IFT172: variants seen among roughly 807,000 people sequenced by gnomAD.
IFT172 encodes the protein intraflagellar transport protein 172 homolog.
Under a neutral mutation model 248.9 loss-of-function variants are expected in IFT172, and 164 were observed. That is an observed-to-expected ratio of 0.66 (90% CI 0.58 to 0.75). The LOEUF (loss-of-function observed/expected upper bound fraction) is 0.75. IFT172 is among the 30% of genes least tolerant of loss of function. IFT172 has a pLI of 0.00. For missense variants in IFT172, 1,950 were observed against 2,192.4 expected (o/e 0.89, Z 2.21); for synonymous variants, 729 against 791.6 (o/e 0.92, Z 1.33).
In IFT172 at chr2:27,459,369, C is replaced by T; in HGVS notation, c.2787+9G>A. Reference sequence around the variant, plus strand: ...TTGCCTCGTGCTGCGGAAAGGGACTCTTCCTCACCTCATACTCCTGCAGGG... The same window carrying T: ...TTGCCTCGTGCTGCGGAAAGGGACTTTTCCTCACCTCATACTCCTGCAGGG... On this transcript the variant is annotated intron_variant, in intron 25 of 47. Coordinates refer to ENST00000260570, the MANE Select transcript of IFT172 (RefSeq NM_015662.3). 1 of 1,613,940 alleles carries T rather than the reference C, an allele frequency of 6.2e-7. No homozygotes were observed. The highest frequency in any genetic ancestry group is 8.5e-7 in the Non-Finnish European group (1 of 1,179,940).
intron 1 of IFT172, among the ~76,000 whole-genome samples, chr2:27,487,032 T>G (rs1042092155): frequency 6.6e-6 from 1 of 152,150 alleles, no homozygotes; most frequent in Admixed American, 6.5e-5. Context: ...AACCTCTGTT[T>G]CTTGGGCTCA....
chr2:27,488,374 G>C (rs1668917130), intron 1 of IFT172, among the ~76,000 whole-genome samples: 1 of 135,462 alleles, frequency 7.4e-6, no homozygotes, highest in South Asian at 2.5e-4. Context: ...GGCTGGACTT[G>C]AACTCCTGAC....
chr2:27,481,343 C>T (rs754280687), intron 7 of IFT172, 83 bp from the exon 8 acceptor site: 48 of 997,408 alleles, frequency 4.8e-5, no homozygotes, highest in Non-Finnish European at 6.7e-5. Flanking sequence ...GGTACATTCA[C>T]TCTGACCATC....
intron 30 of IFT172, 83 bp downstream of exon 30, chr2:27,456,428 T>C: frequency 6.6e-7 from 1 of 1,513,652 alleles, no homozygotes; most frequent in Non-Finnish European, 8.9e-7. Context: ...AGGATCTTTC[T>C]TTCAGTTATA....
In IFT172 at chr2:27,447,903, C is replaced by A; in HGVS notation, c.4448G>T (p.Arg1483Met). Residue 1483 changes from arginine to methionine, a missense_variant, in exon 41 of 48, where the codon AGG becomes ATG. By Grantham distance (91) the Arg-to-Met change is moderately conservative. This residue lies in a region of IFT172 where 620 missense variants were observed against 699.0 expected (regional missense o/e 0.89). Transcript: ENST00000260570. Reference sequence around the variant, plus strand: ...AGAGCTCACCATGTCAGTGAAGATCCTTTTGTAGATATTGAAGTTCTAGAG... The same window carrying A: ...AGAGCTCACCATGTCAGTGAAGATCATTTTGTAGATATTGAAGTTCTAGAG... ...ANPQNFNIYK[R>M]IFTDMVSSPG... 6.2e-7 allele frequency: 1 copy of A among 1,610,102 alleles called. No homozygotes were observed. Among genetic ancestry groups the A allele is most frequent in the Non-Finnish European group, 8.5e-7 (1 of 1,176,580 alleles).
rs184687834 is a variant in IFT172 at position 27,445,550 on chromosome 2, T to C, written c.4915-101A>G. 3,809 of 1,388,146 alleles carry C rather than the reference T, an allele frequency of 2.7e-3. 10 individuals are homozygous for C. Among genetic ancestry groups the C allele is most frequent in the Middle Eastern group, 3.6e-3 (14 of 3,874 alleles). The allele number at this position is 1,388,146 out of a possible 1,614,324, so 86.0% of individuals were successfully genotyped here. A position where few individuals can be genotyped will look rare whatever the true frequency, so the allele number is the denominator to read the frequency against. ...GGGTTTGCTAAGCCCTCATCCTGTATACCAGCTTTTAGCCACGAATCCTCC... is the reference window on the plus strand; with the variant it reads ...GGGTTTGCTAAGCCCTCATCCTGTACACCAGCTTTTAGCCACGAATCCTCC... On this transcript the variant is annotated intron_variant, in intron 45 of 47. Coordinates refer to ENST00000260570, the MANE Select transcript of IFT172 (RefSeq NM_015662.3). This position sits in a 1 kb window ranked among gnomAD's most constrained non-coding sequence, Gnocchi z 4.4.
At chr2:27,486,896 A>AT (rs1212817262) in intron 1 of IFT172, among the ~76,000 whole-genome samples, 1 of 151,300 alleles carries the variant, frequency 6.6e-6, no homozygotes, top group African/African-American at 2.4e-5. Flanking sequence ...CTGTCTTTTT[A>AT]TTTTTTTCTC....
rs1481312135 is a variant in IFT172 at position 27,458,794 on chromosome 2, C to A, written c.2862G>T (p.Trp954Cys). 1 of 1,614,002 alleles carries A rather than the reference C, an allele frequency of 6.2e-7. No homozygotes were observed. Among genetic ancestry groups the A allele is most frequent in the Non-Finnish European group, 8.5e-7 (1 of 1,180,032 alleles). Reference protein sequence around the residue: ...AIDMYTQAGRWEQAHKLAMKC... With the variant: ...AIDMYTQAGRCEQAHKLAMKC... ...CCATCCCTACCTTGTGGGCTTGTTC[C>A]CAACGACCAGCCTGGGTGTACATGT... The change falls in exon 26 of 48, where the codon TGG becomes TGT. Residue 954 changes from tryptophan (W) to cysteine (C), a missense_variant. By Grantham distance (215) the Trp-to-Cys change is radical. This residue lies in a region of IFT172 where 1,166 missense variants were observed against 1,254.1 expected (regional missense o/e 0.93). Coordinates refer to ENST00000260570, the MANE Select transcript of IFT172 (RefSeq NM_015662.3).
At chr2:27,467,613 C>CAA (rs758559563) in intron 16 of IFT172, among the ~76,000 whole-genome samples, 546 of 53,062 alleles carry the variant, frequency 0.01, 13 homozygotes, top group African/African-American at 0.037. Context: ...ACCCTGTCTC[C>CAA]AAAAAAAAAA....
At chr2:27,472,679 T>C (rs1667659220) in intron 14 of IFT172, among the ~76,000 whole-genome samples, 1 of 152,320 alleles carries the variant, frequency 6.6e-6, no homozygotes, top group East Asian at 1.9e-4. Flanking sequence ...ACAAGGCTGA[T>C]GAATCAATGA....
rs1184760249 is a variant in IFT172 at position 27,445,682 on chromosome 2, T to A, written c.4914+63A>T. ...TTCCAAAGATGGCAGCACAAAGATA[T>A]TCTCCCTCCTCAAGGCACTCACACT... On this transcript the variant is annotated intron_variant, in intron 45 of 47. Coordinates refer to ENST00000260570, the MANE Select transcript of IFT172 (RefSeq NM_015662.3). The surrounding 1 kb of genome is among the most constrained non-coding windows in gnomAD (Gnocchi z 4.4). 12 of 1,574,302 alleles carry A rather than the reference T, an allele frequency of 7.6e-6. No homozygotes were observed. The highest frequency in any genetic ancestry group is 1.4e-5 in the African/African-American group (1 of 74,040).
intron 29 of IFT172, 131 bp from the exon 30 acceptor site, chr2:27,456,784 C>A: frequency 7.6e-7 from 1 of 1,315,430 alleles, no homozygotes; most frequent in African/African-American, 1.5e-5. Context: ...GTGGCTCATA[C>A]CTATAATCCC....
chr2:27,488,674 T>A (rs1334337334), intron 1 of IFT172, among the ~76,000 whole-genome samples: 1 of 152,242 alleles, frequency 6.6e-6, no homozygotes, highest in African/African-American at 2.4e-5. Context: ...TTGTGTATAT[T>A]ACTCTATATA....
chr2:27,477,350 A>T, intron 12 of IFT172, 30 bp from the exon 13 acceptor site: 1 of 1,584,564 alleles, frequency 6.3e-7, no homozygotes, highest in Non-Finnish European at 8.7e-7. Context: ...TATACGGTGG[A>T]AAGGCTACAT....
In IFT172 at chr2:27,465,417, G is replaced by T. The variant is rs371919234; in HGVS notation, c.1931C>A (p.Ala644Glu). The T allele has an allele frequency of 2.7e-5, 43 of 1,613,422 alleles. No homozygotes were observed. The highest frequency in any genetic ancestry group is 3.5e-5 in the Non-Finnish European group (41 of 1,179,508). ...TTCTACATGTCTACCTCACCTCTCC[G>T]CAATGTGTAGTTGCCTTGCCTCTAG... Reference protein sequence around the residue: ...LALEARQLHIAERCFSALGQV... With the variant: ...LALEARQLHIEERCFSALGQV... The change falls in exon 18 of 48, where the codon GCG becomes GAG. Residue 644 changes from alanine (A) to glutamate (E), a missense_variant. Physicochemically the swap from Ala to Glu is moderately radical, Grantham distance 107. Around this residue, in one of 3 missense-constraint regions of IFT172, gnomAD observed 1,166 missense variants for 1,254.1 expected, o/e 0.93. Coordinates refer to ENST00000260570, the MANE Select transcript of IFT172 (RefSeq NM_015662.3).
intron 16 of IFT172, among the ~76,000 whole-genome samples, chr2:27,466,887 G>A (rs895189597): frequency 6.6e-6 from 1 of 151,996 alleles, no homozygotes; most frequent in Non-Finnish European, 1.5e-5. Flanking sequence ...GTGGTTGCAT[G>A]TGCCTGTAGT....
rs1280203564 is a variant in IFT172, at chr2:27,461,355, C to G, written c.2356G>C (p.Val786Leu). 3.7e-6 allele frequency: 6 copies of G among 1,614,040 alleles called. No individual in the cohort carries two copies. The highest frequency in any genetic ancestry group is 5.1e-6 in the Non-Finnish European group (6 of 1,180,028). ...AGLPAKAARLVLTREELLANT... is the reference protein window; with the variant it reads ...AGLPAKAARLLLTREELLANT... ...GCTAGCAGTTCCTCTCGGGTCAGCA[C>G]CAGCCGAGCAGCTTTGGCAGGGAGC... Residue 786 changes from valine (V) to leucine (L), a missense_variant, in exon 22 of 48, where the codon GTG (valine) becomes CTG (leucine). By Grantham distance (32) the Val-to-Leu change is conservative (BLOSUM62 1). This residue lies in a region of IFT172 where 1,166 missense variants were observed against 1,254.1 expected (regional missense o/e 0.93). Transcript: ENST00000260570.
intron 40 of IFT172, 139 bp downstream of exon 40, chr2:27,448,776 G>A: frequency 1.5e-6 from 1 of 671,236 alleles, no homozygotes; most frequent in Non-Finnish European, 2.7e-6. Context: ...GTACATTTCT[G>A]GAGATGCGTG....
chr2:27,444,951 G>GT lies in IFT172; in HGVS notation c.5160+62dup, dbSNP rs111756175. 0.01 allele frequency: 15,533 copies of GT among 1,481,986 alleles called. 630 individuals are homozygous for GT. In the African/African-American group the frequency reaches 0.14, roughly 14 times the overall value. 91.8% of individuals were successfully genotyped at this position (1,481,986 alleles called of 1,614,324 possible). ...GGTATGAGCCACTGCACCCAGACTT[G>GT]TTTTTTTTTCTTTTTTTAGTGCTGC... On this transcript the variant is annotated intron_variant, in intron 47 of 47. Coordinates refer to ENST00000260570, the MANE Select transcript of IFT172 (RefSeq NM_015662.3).
Sources: allele counts gnomAD v4.1 joint callset (sites outside exome capture counted in the v4.1 genomes callset), GRCh38; gene constraint gnomAD v4.1.1; regional missense constraint gnomAD v4.1.1; non-coding constraint Gnocchi (gnomAD v3.1); transcripts MANE v1.5; gene names NCBI Gene and HGNC (gene_info 2026-07-23, HGNC 2026-07-21).